Variants in AQP11 observed in about 807,000 individuals in gnomAD.
AQP11 encodes aquaporin 11.
AQP11 carries 20 observed loss-of-function variants against 21.1 expected under a neutral mutation model. That is an observed-to-expected ratio of 0.95 (90% CI 0.67 to 1.38). AQP11 has a LOEUF of 1.38. AQP11 is among the 40% of genes most tolerant of loss of function. The pLI is 0.00. For synonymous variants in AQP11, 167 were observed against 150.1 expected (o/e 1.11, Z -0.82); for missense variants, 339 against 340.4 (o/e 1.00, Z 0.03).
intron 1 of AQP11, among the ~76,000 whole-genome samples, chr11:77,594,081 T>C (rs1208822418): frequency 1.3e-5 from 2 of 152,190 alleles, no homozygotes; most frequent in African/African-American, 4.8e-5. Context: ...TGGGGACTTA[T>C]TGTTTAATGG....
At chr11:77,598,753 C>T (rs553691539) in intron 1 of AQP11, among the ~76,000 whole-genome samples, 2 of 152,226 alleles carry the variant, frequency 1.3e-5, no homozygotes, top group East Asian at 1.9e-4. Flanking sequence ...CTTGCTCTGT[C>T]GCCCAGGCTG....
Position 77,603,581 on chromosome 11 carries a change from T to A in AQP11, c.645T>A (p.Phe215Leu). Residue 215 changes from phenylalanine to leucine, a missense_variant, in exon 2 of 3, where the codon TTT becomes TTA. Transcript: ENST00000313578. Reference sequence around the variant, plus strand: ...GAGGAAGTCTAACAGGAGCTGTATTTAATCCAGCTTTGGCACTTTCGCTAC... The same window carrying A: ...GAGGAAGTCTAACAGGAGCTGTATTAAATCCAGCTTTGGCACTTTCGCTAC... ...YAGGSLTGAV[F>L]NPALALSLHF... The A allele has an allele frequency of 6.2e-7, 1 of 1,601,098 alleles. No homozygotes were observed. Among genetic ancestry groups the A allele is most frequent in the South Asian group, 1.1e-5 (1 of 87,610 alleles).
Position 77,596,554 on chromosome 11 carries a change from ATATATATATG to A in AQP11, c.619+5947_619+5956del, listed in dbSNP as rs1223866641. On this transcript the variant is annotated intron_variant, in intron 1 of 2. Transcript: ENST00000313578. ...TATATGTAAATATATATATATATAT[ATATATATATG>A]TATGTAATGGTTAAGGCCAGGTATG... 3.3e-3 allele frequency among the ~76,000 whole-genome samples: 424 copies of A among 127,574 alleles called. 7 individuals are homozygous for A. Among genetic ancestry groups the A allele is most frequent in the African/African-American group, 0.013 (397 of 31,020 alleles). The allele number at this position is 127,574 out of a possible 152,430, so 83.7% of individuals were successfully genotyped here. A position where few individuals can be genotyped will look rare whatever the true frequency, so the allele number is the denominator to read the frequency against.
intron 1 of AQP11, among the ~76,000 whole-genome samples, chr11:77,594,861 C>T (rs189508163): frequency 9.9e-4 from 150 of 151,164 alleles, no homozygotes; most frequent in African/African-American, 3.6e-3. Context: ...TGCCATTTAT[C>T]GTGTATTAAC....
At chr11:77,591,024 C>T (rs1209751532) in intron 1 of AQP11, 1 of 985,258 alleles carries the variant, frequency 1.0e-6, no homozygotes, top group African/African-American at 1.7e-5. Flanking sequence ...ATTTAAAGCA[C>T]AAGGCACATG....
chr11:77,605,370 A>G (rs1170020179), intron 2 of AQP11, among the ~76,000 whole-genome samples: 1 of 152,088 alleles, frequency 6.6e-6, no homozygotes, highest in Non-Finnish European at 1.5e-5. Flanking sequence ...GCGTGCTCCA[A>G]CTACTATTGT....
At chr11:77,601,669 A>G (rs1958816389) in intron 1 of AQP11, among the ~76,000 whole-genome samples, 1 of 152,012 alleles carries the variant, frequency 6.6e-6, no homozygotes, top group Non-Finnish European at 1.5e-5. Flanking sequence ...AGAATAACTT[A>G]TTTTTCATGA....
intron 1 of AQP11, among the ~76,000 whole-genome samples, chr11:77,602,618 T>A (rs1051823608): frequency 1.3e-5 from 2 of 152,222 alleles, no homozygotes; most frequent in Non-Finnish European, 2.9e-5. Context: ...AATATCTTCA[T>A]CTCAACACAG....
chr11:77,593,827 G>A lies in AQP11; in HGVS notation c.619+3216G>A, dbSNP rs17135744. Among the ~76,000 whole-genome samples, 755 of 152,260 alleles carry A rather than the reference G, an allele frequency of 5.0e-3. 8 individuals are homozygous for A. Among genetic ancestry groups the A allele is most frequent in the African/African-American group, 0.017 (721 of 41,542 alleles). The stretch of plus-strand genomic sequence containing the variant: ...CGGATTCATTATCAGCATTTCCACA[G>A]TGTGCTCCTCAAAAGTTAACAAAAC... On this transcript the variant is annotated intron_variant, in intron 1 of 2. Coordinates refer to ENST00000313578, the MANE Select transcript of AQP11 (RefSeq NM_173039.3).
intron 2 of AQP11, among the ~76,000 whole-genome samples, chr11:77,604,578 T>C (rs1958833328): frequency 6.6e-6 from 1 of 152,188 alleles, no homozygotes; most frequent in Non-Finnish European, 1.5e-5. Context: ...CCAGTTAGCA[T>C]ATTGTTCCTT....
At chr11:77,607,187 A>C (rs954081495) in intron 2 of AQP11, among the ~76,000 whole-genome samples, 1 of 152,216 alleles carries the variant, frequency 6.6e-6, no homozygotes, top group Admixed American at 6.5e-5. Flanking sequence ...CATATATTGA[A>C]GTTACCTTCC....
At position 77,609,477 on chromosome 11, in the gene AQP11, A is replaced by C; in HGVS notation, c.*100A>C. On this transcript the variant is annotated 3_prime_UTR_variant, in exon 3 of 3. Coordinates refer to ENST00000313578, the MANE Select transcript of AQP11 (RefSeq NM_173039.3). ...AAACACCGGCTGCACTGGATTCATCAGTGTTAACTTCCTTTGAGGAAGCTG... is the reference window on the plus strand; with the variant it reads ...AAACACCGGCTGCACTGGATTCATCCGTGTTAACTTCCTTTGAGGAAGCTG... 1.1e-6 allele frequency: 1 copy of C among 922,694 alleles called. No homozygotes were observed. The highest frequency in any genetic ancestry group is 2.7e-5 in the Admixed American group (1 of 36,892). 57.2% of individuals were successfully genotyped at this position (922,694 alleles called of 1,614,324 possible). A position where few individuals can be genotyped will look rare whatever the true frequency, so the allele number is the denominator to read the frequency against.
At chr11:77,609,202 T>C in intron 2 of AQP11, 96 bp from the exon 3 acceptor site, 1 of 799,056 alleles carries the variant, frequency 1.3e-6, no homozygotes, top group South Asian at 2.0e-5. Flanking sequence ...TTTCCAAACA[T>C]CTAGGTATAT....
intron 1 of AQP11, among the ~76,000 whole-genome samples, chr11:77,592,930 C>T (rs1172348703): frequency 5.9e-5 from 9 of 152,192 alleles, no homozygotes; most frequent in Admixed American, 5.9e-4. Context: ...GCCTAGGCAG[C>T]GGTGTATTGT....
chr11:77,590,096 C>A lies in AQP11; in HGVS notation c.104C>A (p.Ala35Asp), dbSNP rs375329904. 5.3e-5 allele frequency: 85 copies of A among 1,607,398 alleles called. No homozygotes were observed. Among genetic ancestry groups the A allele is most frequent in the Non-Finnish European group, 7.0e-5 (82 of 1,179,564 alleles). Residue 35 changes from alanine to aspartate, a missense_variant, in exon 1 of 3, where the codon GCC (alanine) becomes GAC (aspartate). Transcript: ENST00000313578. ...VLLMGLARVVARQQLHRPVAH... is the reference protein window; with the variant it reads ...VLLMGLARVVDRQQLHRPVAH... ...CTCATGGGGCTGGCCCGCGTAGTCG[C>A]CCGGCAGCAGCTGCACAGGCCGGTG...
Position 77,610,191 on chromosome 11 carries a change from ACCAT to A in AQP11, c.*816_*819del, listed in dbSNP as rs752979411. 2.0e-5 allele frequency: 3 copies of A among 152,178 alleles called. No homozygotes were observed. Among genetic ancestry groups the A allele is most frequent in the Non-Finnish European group, 4.4e-5 (3 of 68,032 alleles). 9.4% of individuals were successfully genotyped at this position (152,178 alleles called of 1,614,324 possible). On this transcript the variant is annotated 3_prime_UTR_variant, in exon 3 of 3. Transcript: ENST00000313578. The stretch of plus-strand genomic sequence containing the variant: ...TGGCTTAGATCACATAGAGCCAAAT[ACCAT>A]CTCTAGTCTTCAACTTCAATCCAAA...
At chr11:77,592,570 T>C (rs753506936) in intron 1 of AQP11, among the ~76,000 whole-genome samples, 1 of 148,242 alleles carries the variant, frequency 6.7e-6, no homozygotes, top group African/African-American at 2.4e-5. Context: ...TGATATTCTT[T>C]CTGTCTACTT....
At chr11:77,596,802 T>C (rs1265820595) in intron 1 of AQP11, among the ~76,000 whole-genome samples, 1 of 151,326 alleles carries the variant, frequency 6.6e-6, no homozygotes, top group Non-Finnish European at 1.5e-5. Context: ...TGAGGCTGTA[T>C]TGAGCCATGA....
intron 2 of AQP11, among the ~76,000 whole-genome samples, chr11:77,606,815 G>A (rs976738976): frequency 5.3e-5 from 8 of 152,110 alleles, no homozygotes; most frequent in South Asian, 2.1e-4. Context: ...GGCTGGTCTC[G>A]AACTCCTGGG....
Sources: allele counts gnomAD v4.1 joint callset (sites outside exome capture counted in the v4.1 genomes callset), GRCh38; gene constraint gnomAD v4.1.1; transcripts MANE v1.5; gene names NCBI Gene and HGNC (gene_info 2026-07-23, HGNC 2026-07-21).